AUTS2: variants seen among roughly 807,000 people sequenced by gnomAD.
AUTS2 encodes activator of transcription and developmental regulator AUTS2.
AUTS2 carries 17 observed loss-of-function variants against 112.4 expected under a neutral mutation model. The ratio of observed to expected loss-of-function variants is 0.15; its 90% confidence interval spans 0.10 to 0.23. The LOEUF (loss-of-function observed/expected upper bound fraction) is 0.23. AUTS2 is among the 10% of genes least tolerant of loss of function. AUTS2 has a pLI of 1.00. For synonymous variants in AUTS2, 751 were observed against 702.7 expected (o/e 1.07, Z -1.09); for missense variants, 1,510 against 1,701.6 (o/e 0.89, Z 1.98).
chr7:70,403,156 A>G (rs1794395931), intron 4 of AUTS2, among the ~76,000 whole-genome samples: 1 of 152,232 alleles, frequency 6.6e-6, no homozygotes, highest in Non-Finnish European at 1.5e-5. Flanking sequence ...TTAAGCCACC[A>G]GCTCTCAGAA....
At chr7:69,958,320 A>G (rs1490726696) in intron 2 of AUTS2, among the ~76,000 whole-genome samples, 1 of 152,126 alleles carries the variant, frequency 6.6e-6, no homozygotes, top group Non-Finnish European at 1.5e-5. Context: ...TGCAAAACCT[A>G]AAGTATTTAC....
At chr7:69,815,390 G>C (rs956955573) in intron 1 of AUTS2, among the ~76,000 whole-genome samples, 5 of 152,066 alleles carry the variant, frequency 3.3e-5, no homozygotes, top group African/African-American at 7.2e-5. Context: ...CAGGTTGAAA[G>C]GATTGAGGTA....
chr7:69,601,279 A>T (rs972113191), intron 1 of AUTS2, among the ~76,000 whole-genome samples: 5 of 151,986 alleles, frequency 3.3e-5, no homozygotes, highest in African/African-American at 1.2e-4. Flanking sequence ...TTCCTGAAGG[A>T]AACTTTTCCC....
At position 70,645,613 on chromosome 7, in the gene AUTS2, GA is replaced by G. The variant is rs1197305041; in HGVS notation, c.691-52955del. ...ATGGGGCCTGCTCACGAAGGCAAGAGATGTATCTTGCCTTCCCTCCACCTTT... is the reference window on the plus strand; with the variant it reads ...ATGGGGCCTGCTCACGAAGGCAAGAGTGTATCTTGCCTTCCCTCCACCTTT... On this transcript the variant is annotated intron_variant, in intron 5 of 18. Coordinates refer to ENST00000342771, the MANE Select transcript of AUTS2 (RefSeq NM_015570.4). Among the ~76,000 whole-genome samples the G allele has an allele frequency of 1.1e-4, 16 of 152,324 alleles. No individual in the cohort carries two copies. In the East Asian group the frequency reaches 2.9e-3, roughly 28 times the overall value.
At chr7:70,493,650 A>G (rs2116461779) in intron 5 of AUTS2, among the ~76,000 whole-genome samples, 2 of 152,262 alleles carry the variant, frequency 1.3e-5, no homozygotes, top group East Asian at 1.9e-4. Flanking sequence ...AAAGTCTAGG[A>G]GGAGTTAAAG....
intron 1 of AUTS2, among the ~76,000 whole-genome samples, chr7:69,712,256 G>A (rs1798361500): frequency 6.6e-6 from 1 of 152,022 alleles, no homozygotes; most frequent in South Asian, 2.1e-4. Context: ...ATAAACCTTG[G>A]ATATTTAGTA....
chr7:70,449,817 G>C (rs1414281779), intron 5 of AUTS2, among the ~76,000 whole-genome samples: 1 of 152,170 alleles, frequency 6.6e-6, no homozygotes, highest in Non-Finnish European at 1.5e-5. Flanking sequence ...TAGAGTGAGA[G>C]TTCATGTGTA....
chr7:70,292,207 A>G (rs1472733488), intron 4 of AUTS2: 1 of 152,194 alleles, frequency 6.6e-6, no homozygotes, highest in Non-Finnish European at 1.5e-5. Context: ...CCTTGCCTTC[A>G]TGGAGTCTCT....
At chr7:70,669,945 G>C (rs1221671187) in intron 5 of AUTS2, among the ~76,000 whole-genome samples, 1 of 152,220 alleles carries the variant, frequency 6.6e-6, no homozygotes, top group Non-Finnish European at 1.5e-5. Flanking sequence ...AATTCAAAGG[G>C]TAAAATGAAT....
At chr7:69,713,216 A>G (rs905415154) in intron 1 of AUTS2, among the ~76,000 whole-genome samples, 3 of 152,134 alleles carry the variant, frequency 2.0e-5, no homozygotes, top group Non-Finnish European at 4.4e-5. Flanking sequence ...CACCTCATAC[A>G]TTTATCGTTT....
intron 1 of AUTS2, among the ~76,000 whole-genome samples, chr7:69,827,922 T>C (rs1187714325): frequency 1.3e-5 from 2 of 152,206 alleles, no homozygotes; most frequent in African/African-American, 4.8e-5. Flanking sequence ...CTCGTGTCTT[T>C]TGTAGACGAG....
intron 4 of AUTS2, among the ~76,000 whole-genome samples, chr7:70,271,023 C>T (rs1787668177): frequency 6.6e-6 from 1 of 152,010 alleles, no homozygotes; most frequent in South Asian, 2.1e-4. Context: ...GGTGAGAGGG[C>T]AGGCAGACCC....
At chr7:70,362,419 G>A (rs1317910995) in intron 4 of AUTS2, among the ~76,000 whole-genome samples, 1 of 152,108 alleles carries the variant, frequency 6.6e-6, no homozygotes, top group Admixed American at 6.5e-5. Context: ...TTGAGATTCT[G>A]CAGCAGAGAA....
intron 4 of AUTS2, among the ~76,000 whole-genome samples, chr7:70,138,406 G>A (rs894758024): frequency 6.6e-6 from 1 of 152,148 alleles, no homozygotes; most frequent in East Asian, 1.9e-4. Flanking sequence ...CTACTTTTGG[G>A]GCAACTAACC....
chr7:70,471,596 T>C (rs2115901026), intron 5 of AUTS2, among the ~76,000 whole-genome samples: 1 of 152,258 alleles, frequency 6.6e-6, no homozygotes, highest in Middle Eastern at 3.4e-3. Flanking sequence ...CTGGGGATAT[T>C]AATATCTCTC....
intron 2 of AUTS2, among the ~76,000 whole-genome samples, chr7:70,012,667 G>C (rs767635491): frequency 2.6e-5 from 4 of 151,892 alleles, no homozygotes; most frequent in Non-Finnish European, 5.9e-5. Context: ...GTTAGAAGAG[G>C]CTTTGTCTTT....
At chr7:70,715,698 A>G (rs1396948007) in intron 6 of AUTS2, among the ~76,000 whole-genome samples, 4 of 151,840 alleles carry the variant, frequency 2.6e-5, no homozygotes, top group African/African-American at 9.7e-5. Flanking sequence ...CACCCAGCTA[A>G]TTTTTGTATT....
chr7:70,328,378 C>G (rs1048784726), intron 4 of AUTS2, among the ~76,000 whole-genome samples: 2 of 152,024 alleles, frequency 1.3e-5, no homozygotes, highest in African/African-American at 4.8e-5. Context: ...TGCAACACCA[C>G]ACCTGGTTTA....
chr7:70,443,886 A>G (rs1796214237), intron 5 of AUTS2, among the ~76,000 whole-genome samples: 1 of 152,202 alleles, frequency 6.6e-6, no homozygotes, highest in South Asian at 2.1e-4. Flanking sequence ...GACTAGGTGG[A>G]GAGCTAGCTT....
Sources: gnomAD v4.1 joint callset for allele counts (sites outside exome capture counted in the v4.1 genomes callset) on GRCh38, gnomAD v4.1.1 for gene constraint, MANE v1.5 for transcripts, NCBI Gene and HGNC (gene_info 2026-07-23, HGNC 2026-07-21) for gene names.